The following CDH4 variants were observed in gnomAD, a reference collection of about 807,000 sequenced individuals.
The protein encoded by CDH4 is cadherin 4.
In CDH4, 33 loss-of-function variants were observed where a neutral mutation model predicts 86.0. That is an observed-to-expected ratio of 0.38 (90% CI 0.29 to 0.51). The LOEUF (loss-of-function observed/expected upper bound fraction) is 0.51, where lower values mean the gene tolerates loss of function less well. Ranked by LOEUF, CDH4 falls within the 20% of genes least tolerant of loss-of-function variation. The pLI is 0.86. For missense variants in CDH4, 1,114 were observed against 1,307.4 expected, an observed-to-expected ratio of 0.85 and a Z score of 2.28; for synonymous variants, 555 against 549.4, an observed-to-expected ratio of 1.01 and a Z score of -0.14.
intron 2 of CDH4, among the ~76,000 whole-genome samples, chr20:61,545,933 AGGG>A (rs1366674033): frequency 3.1e-5 from 1 of 32,458 alleles, no homozygotes; most frequent in Non-Finnish European, 6.2e-5. Flanking sequence ...GCATGTGTGG[AGGG>A]GGTATGTGGG....
At chr20:61,910,688 A>T in intron 9 of CDH4, 81 bp downstream of exon 9, 1 of 1,308,106 alleles carries the variant, frequency 7.6e-7, no homozygotes, top group Non-Finnish European at 1.1e-6. Context: ...AACAGGAGTG[A>T]TACTCGGTGT....
intron 4 of CDH4, among the ~76,000 whole-genome samples, chr20:61,836,287 C>A (rs1568841525): frequency 6.6e-6 from 1 of 152,186 alleles, no homozygotes; most frequent in African/African-American, 2.4e-5. Context: ...AATCCCATGC[C>A]AAAAATTCAG....
intron 2 of CDH4, among the ~76,000 whole-genome samples, chr20:61,557,221 A>T (rs1331489789): frequency 6.6e-6 from 1 of 152,200 alleles, no homozygotes; most frequent in Admixed American, 6.5e-5. Context: ...TATTTTAGGC[A>T]TCATCACCAT....
At chr20:61,848,594 C>T (rs913255901) in intron 5 of CDH4, among the ~76,000 whole-genome samples, 3 of 152,140 alleles carry the variant, frequency 2.0e-5, no homozygotes, top group African/African-American at 4.8e-5. Flanking sequence ...GGTACTATCT[C>T]GGCTCACTGC....
At chr20:61,333,453 A>C (rs2084596811) in intron 2 of CDH4, among the ~76,000 whole-genome samples, 3 of 152,154 alleles carry the variant, frequency 2.0e-5, no homozygotes, top group Non-Finnish European at 4.4e-5. Context: ...CTTTCACTAC[A>C]AAGGTCACCA....
rs1028186496 is a variant in CDH4, at chr20:61,383,065, CAT to C, written c.169+128138_169+128139del. Among the ~76,000 whole-genome samples, 15 of 127,176 alleles carry C rather than the reference CAT, an allele frequency of 1.2e-4. 1 individual carries two copies. The highest frequency in any genetic ancestry group is 3.9e-4 in the African/African-American group (12 of 30,886). The allele number at this position is 127,176 out of a possible 152,430, so 83.4% of individuals were successfully genotyped here. A position where few individuals can be genotyped will look rare whatever the true frequency, so the allele number is the denominator to read the frequency against. On this transcript the variant is annotated intron_variant, in intron 2 of 15. Transcript: ENST00000614565. Reference sequence around the variant, plus strand: ...CAGAACTAATGGAATATATATAATTCATATATATATAATATATATATGAATAT... The same window carrying C: ...CAGAACTAATGGAATATATATAATTCATATATATAATATATATATGAATAT...
At chr20:61,573,500 G>A (rs772854396) in intron 2 of CDH4, among the ~76,000 whole-genome samples, 4 of 152,234 alleles carry the variant, frequency 2.6e-5, no homozygotes, top group Non-Finnish European at 5.9e-5. Flanking sequence ...GGCATGGAGA[G>A]CGCACCATCA....
chr20:61,280,921 C>T (rs538779821), intron 2 of CDH4, among the ~76,000 whole-genome samples: 46 of 152,364 alleles, frequency 3.0e-4, no homozygotes, highest in Middle Eastern at 3.4e-3. Flanking sequence ...CGCCCGCTGC[C>T]TGCTGCGTTC....
At chr20:61,284,221 A>G (rs1454110070) in intron 2 of CDH4, among the ~76,000 whole-genome samples, 1 of 151,622 alleles carries the variant, frequency 6.6e-6, no homozygotes, top group Non-Finnish European at 1.5e-5. Context: ...AGGCTGAGGC[A>G]GGAGAATGCT....
intron 2 of CDH4, among the ~76,000 whole-genome samples, chr20:61,558,329 G>A (rs775030599): frequency 6.8e-4 from 103 of 152,194 alleles, no homozygotes; most frequent in Middle Eastern, 3.4e-3. Flanking sequence ...CATGTTAGTG[G>A]CACCTGCCCC....
intron 2 of CDH4, among the ~76,000 whole-genome samples, chr20:61,472,300 T>C (rs771100147): frequency 2.0e-5 from 3 of 152,222 alleles, no homozygotes; most frequent in Non-Finnish European, 4.4e-5. Flanking sequence ...GAAATCTATT[T>C]TGTCTGATAT....
chr20:61,626,477 A>G (rs2086831057), intron 2 of CDH4, among the ~76,000 whole-genome samples: 1 of 140,128 alleles, frequency 7.1e-6, no homozygotes, highest in East Asian at 2.1e-4. Flanking sequence ...GTGTTCCCGA[A>G]GTCAGTGCGT....
intron 2 of CDH4, among the ~76,000 whole-genome samples, chr20:61,382,848 G>C (rs2084911850): frequency 6.6e-6 from 1 of 150,722 alleles, no homozygotes; most frequent in African/African-American, 2.5e-5. Context: ...CTCATCCCAG[G>C]ATCCTTAATG....
intron 4 of CDH4, among the ~76,000 whole-genome samples, chr20:61,797,923 G>T (rs1343493463): frequency 6.6e-6 from 1 of 152,232 alleles, no homozygotes; most frequent in Admixed American, 6.5e-5. Context: ...CGCAGGTTAG[G>T]GCAAGCTGCG....
At chr20:61,853,848 T>G (rs943869130) in intron 6 of CDH4, among the ~76,000 whole-genome samples, 1 of 152,136 alleles carries the variant, frequency 6.6e-6, no homozygotes, top group Non-Finnish European at 1.5e-5. Flanking sequence ...GGGTCCTCTT[T>G]GGGACAAACC....
intron 2 of CDH4, among the ~76,000 whole-genome samples, chr20:61,523,418 C>T (rs561431088): frequency 1.3e-4 from 20 of 152,390 alleles, no homozygotes; most frequent in African/African-American, 3.8e-4. Flanking sequence ...CAGACACACC[C>T]TTCCAGCATT....
chr20:61,882,100 C>T (rs570196794), intron 7 of CDH4, among the ~76,000 whole-genome samples: 16 of 152,348 alleles, frequency 1.1e-4, no homozygotes, highest in African/African-American at 3.6e-4. Context: ...CCTCGAACCT[C>T]TGGCCTTCCG....
At chr20:61,718,722 G>A in intron 2 of CDH4, 1 of 444,510 alleles carries the variant, frequency 2.2e-6, no homozygotes, top group Middle Eastern at 3.4e-4. Context: ...ACTGAAACAG[G>A]GCATTTGAGT....
At chr20:61,758,252 A>G (rs2088589812) in intron 3 of CDH4, among the ~76,000 whole-genome samples, 1 of 152,134 alleles carries the variant, frequency 6.6e-6, no homozygotes, top group Non-Finnish European at 1.5e-5. Context: ...CAGCCGTGAA[A>G]AAATTCCCGT....
Sources: gnomAD v4.1 joint callset for allele counts (sites outside exome capture counted in the v4.1 genomes callset) on GRCh38, gnomAD v4.1.1 for gene constraint, MANE v1.5 for transcripts, NCBI Gene and HGNC (gene_info 2026-07-23, HGNC 2026-07-21) for gene names.